The following QTGAL variants were observed in gnomAD, a reference collection of about 807,000 sequenced individuals.
QTGAL encodes BGnT-like protein 1.
the QTGAL span, among the ~76,000 whole-genome samples, chr17:82,952,300 G>C: frequency 6.6e-6 from 1 of 152,110 alleles, no homozygotes; most frequent in Non-Finnish European, 1.5e-5. Flanking sequence ...ATGTCTGTGT[G>C]TCCCCCACAA....
chr17:83,016,102 T>G, the QTGAL span, among the ~76,000 whole-genome samples: 1 of 152,204 alleles, frequency 6.6e-6, no homozygotes, highest in East Asian at 1.9e-4. Flanking sequence ...AATATTTGCT[T>G]CATAATTAAC....
chr17:82,950,791 G>A, the QTGAL span, among the ~76,000 whole-genome samples: 5 of 152,188 alleles, frequency 3.3e-5, no homozygotes, highest in African/African-American at 4.8e-5. Context: ...ATGAGCAGTC[G>A]TATTTTGAAA....
chr17:83,007,207 C>A, the QTGAL span: 2 of 984,378 alleles, frequency 2.0e-6, no homozygotes, highest in African/African-American at 1.7e-5. Flanking sequence ...TATCTGTGAA[C>A]CTTTCATGTC....
At chr17:82,984,268 AGGGGAGAGGCCACGTGAGCACACG>A in the QTGAL span, among the ~76,000 whole-genome samples, 23 of 57,766 alleles carry the variant, frequency 4.0e-4, 6 homozygotes, top group African/African-American at 2.6e-3. Context: ...ATGATCACGC[AGGGGAGAGGCCACGTGAGCACACG>A]GGGGAGAGGC....
chr17:83,016,399 T>C, the QTGAL span, among the ~76,000 whole-genome samples: 24 of 151,368 alleles, frequency 1.6e-4, no homozygotes, highest in Non-Finnish European at 3.1e-4. Flanking sequence ...GAGAGGAACC[T>C]AGTGGGGCTG....
the QTGAL span, among the ~76,000 whole-genome samples, chr17:83,020,551 CAG>C: frequency 6.6e-6 from 1 of 152,200 alleles, no homozygotes. Context: ...CGGAGAAGCC[CAG>C]AGAGGTGAGC....
the QTGAL span, among the ~76,000 whole-genome samples, chr17:83,010,318 G>A: frequency 6.6e-6 from 1 of 152,166 alleles, no homozygotes; most frequent in Non-Finnish European, 1.5e-5. Context: ...AGGCCTGACA[G>A]CCCGAACTAC....
At chr17:83,008,933 G>A in the QTGAL span, among the ~76,000 whole-genome samples, 1 of 152,206 alleles carries the variant, frequency 6.6e-6, no homozygotes, top group Non-Finnish European at 1.5e-5. Flanking sequence ...TGCGAATGGA[G>A]ACAAGCGGCC....
At chr17:83,040,038 C>A in the QTGAL span, among the ~76,000 whole-genome samples, 2 of 152,214 alleles carry the variant, frequency 1.3e-5, no homozygotes, top group African/African-American at 2.4e-5. Flanking sequence ...TCCCTCAGGA[C>A]CAAGTCCACT....
the QTGAL span, among the ~76,000 whole-genome samples, chr17:82,962,287 G>A: frequency 2.6e-5 from 4 of 152,238 alleles, no homozygotes; most frequent in Non-Finnish European, 5.9e-5. Context: ...CGCCTCTCCA[G>A]GGCGATCCCT....
chr17:82,989,136 T>C, the QTGAL span, among the ~76,000 whole-genome samples: 1 of 151,880 alleles, frequency 6.6e-6, no homozygotes, highest in Non-Finnish European at 1.5e-5. Context: ...ATAAAGAAAA[T>C]GTGGTATACC....
chr17:83,005,022 C>T, the QTGAL span: 9 of 1,055,508 alleles, frequency 8.5e-6, no homozygotes, highest in East Asian at 2.5e-5. The surrounding 1 kb of genome is among the most constrained non-coding windows in gnomAD (Gnocchi z 5.6). Flanking sequence ...CGGCCCACGA[C>T]GACGCAGACA....
the QTGAL span, among the ~76,000 whole-genome samples, chr17:83,010,989 C>G: frequency 6.6e-6 from 1 of 152,264 alleles, no homozygotes. Context: ...GGCTGTACCC[C>G]GAGGACTGGT....
chr17:82,986,336 T>C, the QTGAL span, among the ~76,000 whole-genome samples: 122,717 of 151,900 alleles, frequency 0.81, 49,795 homozygotes, highest in African/African-American at 0.88. Flanking sequence ...GCCCCCACCA[T>C]ACGCTGCTGG....
At chr17:82,992,867 G>T in the QTGAL span, among the ~76,000 whole-genome samples, 1 of 152,134 alleles carries the variant, frequency 6.6e-6, no homozygotes, top group Non-Finnish European at 1.5e-5. Context: ...TTGCATGTTT[G>T]TTTATGCAAA....
At chr17:83,038,261 T>C in the QTGAL span, among the ~76,000 whole-genome samples, 3 of 152,198 alleles carry the variant, frequency 2.0e-5, no homozygotes, top group African/African-American at 7.2e-5. Flanking sequence ...AAGTGTAGAA[T>C]AGGGTCCCCA....
the QTGAL span, chr17:82,965,527 T>C: frequency 1.2e-5 from 11 of 949,314 alleles, no homozygotes; most frequent in Admixed American, 5.9e-5. Context: ...CAGGCAGGGG[T>C]TTCCTAAATC....
the QTGAL span, among the ~76,000 whole-genome samples, chr17:83,026,865 G>A: frequency 0.042 from 622 of 14,774 alleles, no homozygotes; most frequent in African/African-American, 0.097. Context: ...CACACAGAGC[G>A]GGGCAGGAAG....
At chr17:82,966,605 T>C in the QTGAL span, among the ~76,000 whole-genome samples, 1 of 152,096 alleles carries the variant, frequency 6.6e-6, no homozygotes, top group Non-Finnish European at 1.5e-5. Flanking sequence ...GTGGTGGAAA[T>C]GAGAGATGGC....
Sources: allele counts gnomAD v4.1 joint callset (sites outside exome capture counted in the v4.1 genomes callset), GRCh38; gene constraint gnomAD v4.1.1; non-coding constraint Gnocchi (gnomAD v3.1); transcripts MANE v1.5; gene names NCBI Gene and HGNC (gene_info 2026-07-23, HGNC 2026-07-21).